Variants in DNAH9 observed in about 807,000 individuals in gnomAD.
DNAH9 encodes DNAH9 variant protein.
A neutral mutation model predicts 471.6 loss-of-function variants in DNAH9; 345 were observed. The observed-to-expected ratio is 0.73, with a 90% CI of 0.67 to 0.80. The LOEUF is 0.80. DNAH9 is among the 30% of genes least tolerant of loss of function. DNAH9 has a pLI of 0.00. For missense variants in DNAH9, 5,407 were observed against 5,609.2 expected (o/e 0.96, Z 1.15); for synonymous variants, 2,093 against 2,123.6 (o/e 0.99, Z 0.40).
intron 50 of DNAH9, among the ~76,000 whole-genome samples, chr17:11,861,236 C>T (rs1371117487): frequency 2.0e-5 from 3 of 151,626 alleles, no homozygotes; most frequent in African/African-American, 4.8e-5. Context: ...TCCATGTGTT[C>T]TCATTGTTCA....
Position 11,807,771 on chromosome 17 carries a change from T to C in DNAH9, c.8460T>C (p.Asn2820=). Residue 2820 remains asparagine, a synonymous_variant, in exon 44 of 69, where the codon AAT becomes AAC. Coordinates refer to ENST00000262442, the MANE Select transcript of DNAH9 (RefSeq NM_001372.4). ...GCATCTTGGAGTCCCCGCGGGGAAATGCTCTGCTGGTTGGTGTAGGTGGGA... is the reference window on the plus strand; with the variant it reads ...GCATCTTGGAGTCCCCGCGGGGAAACGCTCTGCTGGTTGGTGTAGGTGGGA... ...INRILESPRG[N]ALLVGVGGSG... is the part of the protein sequence containing the mutation. 6.2e-7 allele frequency: 1 copy of C among 1,613,286 alleles called. No individual in the cohort carries two copies.
chr17:11,914,834 C>G (rs1973889101), intron 61 of DNAH9, among the ~76,000 whole-genome samples: 1 of 152,146 alleles, frequency 6.6e-6, no homozygotes, highest in African/African-American at 2.4e-5. Context: ...TTTCATTCAT[C>G]TGCTGAGCAG....
intron 6 of DNAH9, among the ~76,000 whole-genome samples, chr17:11,628,240 G>A (rs548693477): frequency 2.7e-4 from 41 of 152,180 alleles, no homozygotes; most frequent in Non-Finnish European, 3.8e-4. Flanking sequence ...TGTCCTGCTA[G>A]ACGTGCTCAG....
chr17:11,819,180 C>A (rs57748800), intron 45 of DNAH9, among the ~76,000 whole-genome samples: 7,495 of 151,988 alleles, frequency 0.049, 623 homozygotes, highest in African/African-American at 0.17. Context: ...CAAAAGAATA[C>A]AATTTATTTC....
At chr17:11,835,903 C>T (rs1003928767) in intron 49 of DNAH9, among the ~76,000 whole-genome samples, 1 of 152,264 alleles carries the variant, frequency 6.6e-6, no homozygotes, top group South Asian at 2.1e-4. Context: ...CTCTAAGAGG[C>T]CCCCCATGCC....
chr17:11,651,173 G>A lies in DNAH9; in HGVS notation c.2202G>A (p.Gln734=). The change falls in exon 13 of 69, where the codon CAG becomes CAA. Residue 734 remains glutamine (Q), a synonymous_variant. Coordinates refer to ENST00000262442, the MANE Select transcript of DNAH9 (RefSeq NM_001372.4). ...TCTCCTCCAGGGATTTCTATCGGCA[G>A]CTTGTGGCTAATTTAGAGTTGATGG... ...AMFSSRDFYR[Q]LVANLELMAN... 6.2e-7 allele frequency: 1 copy of A among 1,614,170 alleles called. No homozygotes were observed. Among genetic ancestry groups the A allele is most frequent in the South Asian group, 1.1e-5 (1 of 91,092 alleles).
rs367780903 is a variant in DNAH9 at position 11,840,379 on chromosome 17, CTCTG to C, written c.9507+5485_9507+5488del. Among the ~76,000 whole-genome samples, 24 of 152,280 alleles carry C rather than the reference CTCTG, an allele frequency of 1.6e-4. No individual in the cohort carries two copies. In the East Asian group the frequency reaches 2.3e-3, roughly 15 times the overall value. ...CTCATTTATTTAATGCTTCATAGTA[CTCTG>C]TCTAATAGTACTGCATTCTATTTAA... On this transcript the variant is annotated intron_variant, in intron 49 of 68. Coordinates refer to ENST00000262442, the MANE Select transcript of DNAH9 (RefSeq NM_001372.4).
At chr17:11,903,948 G>A (rs1279025352) in intron 60 of DNAH9, among the ~76,000 whole-genome samples, 2 of 151,842 alleles carry the variant, frequency 1.3e-5, no homozygotes, top group Non-Finnish European at 2.9e-5. Context: ...ATACCAGGGA[G>A]ACCAAGATAC....
intron 55 of DNAH9, 47 bp downstream of exon 55, chr17:11,881,460 T>C (rs1972719292): frequency 6.4e-7 from 1 of 1,567,044 alleles, no homozygotes. Context: ...GCCTGCAGTG[T>C]ACTCCACTCT....
chr17:11,637,771 A>G (rs75381897), intron 9 of DNAH9, among the ~76,000 whole-genome samples: 1 of 124,014 alleles, frequency 8.1e-6, no homozygotes. Flanking sequence ...AAAAGAAAAT[A>G]AAGAAGAAGA....
chr17:11,785,042 C>A (rs1219502966), intron 41 of DNAH9, among the ~76,000 whole-genome samples: 1 of 152,104 alleles, frequency 6.6e-6, no homozygotes, highest in Non-Finnish European at 1.5e-5. Context: ...CTAAAATTCC[C>A]AGGTTCATTT....
At chr17:11,889,570 G>T (rs964721074) in intron 57 of DNAH9, among the ~76,000 whole-genome samples, 2 of 152,178 alleles carry the variant, frequency 1.3e-5, no homozygotes, top group Non-Finnish European at 2.9e-5. Context: ...GCCCCTGAAG[G>T]CATTGAGTTT....
intron 8 of DNAH9, among the ~76,000 whole-genome samples, chr17:11,634,908 G>T (rs987538013): frequency 1.3e-5 from 2 of 150,540 alleles, no homozygotes; most frequent in African/African-American, 5.0e-5. Flanking sequence ...TCCAGGATTG[G>T]GATGCCAGTG....
At chr17:11,652,725 G>A (rs1567692909) in intron 13 of DNAH9, 36 bp from the exon 14 acceptor site, 19 of 1,605,116 alleles carry the variant, frequency 1.2e-5, no homozygotes, top group Non-Finnish European at 1.6e-5. Flanking sequence ...GCCACTGCAG[G>A]CTATTTCAAT....
intron 53 of DNAH9, among the ~76,000 whole-genome samples, chr17:11,877,944 C>T (rs191956636): frequency 3.3e-5 from 5 of 152,036 alleles, no homozygotes; most frequent in African/African-American, 4.8e-5. Flanking sequence ...CCATATTGCC[C>T]AGTGGTCTTG....
chr17:11,734,423 A>T (rs1183506683), intron 28 of DNAH9, among the ~76,000 whole-genome samples: 5 of 152,192 alleles, frequency 3.3e-5, no homozygotes, highest in Non-Finnish European at 7.4e-5. Flanking sequence ...CTTTCTAAAA[A>T]CTTTCCACAT....
In DNAH9 at chr17:11,808,653, T is replaced by C. The variant is rs183802573; in HGVS notation, c.8583+759T>C. Among the ~76,000 whole-genome samples, 61 of 152,322 alleles carry C rather than the reference T, an allele frequency of 4.0e-4. No individual in the cohort carries two copies. The East Asian group carries it at 7.7e-3, about 19-fold the overall frequency. On this transcript the variant is annotated intron_variant, in intron 44 of 68. Transcript: ENST00000262442. ...ACATCAAGTTCGTATTAGGTCTTTCTTTAGTGCTTCCAAAAAAGACATGAT... is the reference window on the plus strand; with the variant it reads ...ACATCAAGTTCGTATTAGGTCTTTCCTTAGTGCTTCCAAAAAAGACATGAT...
intron 29 of DNAH9, 78 bp from the exon 30 acceptor site, chr17:11,742,094 GCCA>G: frequency 1.5e-6 from 2 of 1,340,470 alleles, no homozygotes; most frequent in Non-Finnish European, 2.1e-6. Context: ...TGTGATCTCG[GCCA>G]GTGCTTATTT....
intron 26 of DNAH9, among the ~76,000 whole-genome samples, chr17:11,713,295 A>G (rs937296050): frequency 5.9e-5 from 9 of 152,078 alleles, no homozygotes; most frequent in Admixed American, 3.9e-4. Context: ...TCTTTATCAA[A>G]TCTGTCATTA....
Sources: gnomAD v4.1 joint callset for allele counts (sites outside exome capture counted in the v4.1 genomes callset) on GRCh38, gnomAD v4.1.1 for gene constraint, MANE v1.5 for transcripts, NCBI Gene and HGNC (gene_info 2026-07-23, HGNC 2026-07-21) for gene names.